THSD7A: variants seen among roughly 807,000 people sequenced by gnomAD.
THSD7A encodes the protein thrombospondin type-1 domain-containing protein 7A.
In THSD7A, 96 loss-of-function variants were observed where a neutral mutation model predicts 231.3. The observed-to-expected ratio is 0.41, with a 90% CI of 0.35 to 0.49. The LOEUF (loss-of-function observed/expected upper bound fraction) is 0.49, where lower values mean the gene tolerates loss of function less well. THSD7A is among the 20% of genes least tolerant of loss of function. THSD7A has a pLI of 0.05. For synonymous variants in THSD7A, 940 were observed against 743.3 expected (o/e 1.26, Z -4.30); for missense variants, 2,290 against 2,070.2 (o/e 1.11, Z -2.06).
intron 6 of THSD7A, among the ~76,000 whole-genome samples, chr7:11,526,399 T>C (rs1269993556): frequency 6.6e-6 from 1 of 152,178 alleles, no homozygotes; most frequent in Non-Finnish European, 1.5e-5. Flanking sequence ...AGGCAGAGAG[T>C]ATACTCTATC....
intron 22 of THSD7A, 108 bp from the exon 23 acceptor site, chr7:11,402,076 C>T: frequency 1.2e-6 from 1 of 801,308 alleles, no homozygotes; most frequent in Non-Finnish European, 2.0e-6. Flanking sequence ...ATCCCAGGCA[C>T]ACATAATATT....
In THSD7A at chr7:11,474,542, C is replaced by T. The variant is rs1562638939; in HGVS notation, c.2044G>A (p.Ala682Thr). The T allele has an allele frequency of 1.9e-6, 3 of 1,604,076 alleles. No homozygotes were observed. Among genetic ancestry groups the T allele is most frequent in the Admixed American group, 1.7e-5 (1 of 59,526 alleles). ...TTACAGCTTCGTACTTCTTGCAAAG[C>T]ACTGCTATTTGGACAGCGAATTCCA... is the stretch of plus-strand genomic sequence containing the variant. ...EGGIRCPNSSALQEVRSCNEH... is the reference protein window; with the variant it reads ...EGGIRCPNSSTLQEVRSCNEH... Residue 682 changes from alanine to threonine, a missense_variant, in exon 8 of 28, where the codon GCT (alanine) becomes ACT (threonine). Transcript: ENST00000423059. This position sits in a 1 kb window ranked among gnomAD's most constrained non-coding sequence, Gnocchi z 4.1.
intron 13 of THSD7A, 136 bp downstream of exon 13, chr7:11,445,925 T>G: frequency 9.4e-7 from 1 of 1,061,682 alleles, no homozygotes. Context: ...AAATGATATA[T>G]GTATAGTGTG....
intron 6 of THSD7A, among the ~76,000 whole-genome samples, chr7:11,526,006 A>C (rs1282614515): frequency 6.6e-6 from 1 of 152,194 alleles, no homozygotes; most frequent in East Asian, 1.9e-4. Context: ...GGTTTAGTCT[A>C]AAGAAAGAGA....
At chr7:11,612,227 G>A (rs1003597764) in intron 2 of THSD7A, among the ~76,000 whole-genome samples, 2 of 152,194 alleles carry the variant, frequency 1.3e-5, no homozygotes, top group African/African-American at 4.8e-5. Flanking sequence ...TGACAGTGTA[G>A]GGCCCATGCT....
At chr7:11,694,581 G>A (rs1245219127) in intron 1 of THSD7A, among the ~76,000 whole-genome samples, 1 of 151,450 alleles carries the variant, frequency 6.6e-6, no homozygotes, top group African/African-American at 2.4e-5. Context: ...TCAATATAAG[G>A]TAGTGGTGAA....
At chr7:11,686,188 TG>T (rs755725759) in intron 1 of THSD7A, among the ~76,000 whole-genome samples, 24 of 151,640 alleles carry the variant, frequency 1.6e-4, no homozygotes, top group South Asian at 8.3e-4. Flanking sequence ...TTCCCAAAGG[TG>T]GGGAGAAAGA....
intron 2 of THSD7A, among the ~76,000 whole-genome samples, chr7:11,623,089 A>T (rs1781371593): frequency 6.6e-6 from 1 of 152,210 alleles, no homozygotes; most frequent in African/African-American, 2.4e-5. Flanking sequence ...TGCTACATTC[A>T]TGGACTATCT....
chr7:11,754,999 T>C (rs1356903268), intron 1 of THSD7A, among the ~76,000 whole-genome samples: 2 of 152,086 alleles, frequency 1.3e-5, no homozygotes, highest in Admixed American at 1.3e-4. Flanking sequence ...AATAGAACTA[T>C]ATATTGACAA....
intron 1 of THSD7A, among the ~76,000 whole-genome samples, chr7:11,804,658 T>A (rs1426669351): frequency 6.6e-6 from 1 of 152,216 alleles, no homozygotes; most frequent in East Asian, 1.9e-4. Flanking sequence ...TGACTTTCTA[T>A]TCCTAGCTAA....
At chr7:11,601,536 T>C (rs558307138) in intron 2 of THSD7A, among the ~76,000 whole-genome samples, 9 of 152,274 alleles carry the variant, frequency 5.9e-5, no homozygotes, top group African/African-American at 1.9e-4. Context: ...GATGCAGCTC[T>C]TGTGGGAAAT....
chr7:11,479,811 A>G, intron 7 of THSD7A, among the ~76,000 whole-genome samples: 1 of 152,204 alleles, frequency 6.6e-6, no homozygotes, highest in East Asian at 1.9e-4. Context: ...AAATGTTATT[A>G]ACAGAGGTAA....
At chr7:11,531,730 G>A (rs1292518043) in intron 6 of THSD7A, among the ~76,000 whole-genome samples, 1 of 152,218 alleles carries the variant, frequency 6.6e-6, no homozygotes, top group Non-Finnish European at 1.5e-5. Flanking sequence ...TTGGAGAAAA[G>A]ATGATGAGTT....
At chr7:11,796,033 C>CATATATATATATATAT (rs6149988) in intron 1 of THSD7A, among the ~76,000 whole-genome samples, 1 of 107,478 alleles carries the variant, frequency 9.3e-6, no homozygotes, top group Non-Finnish European at 1.9e-5. Context: ...TTAAATTAGC[C>CATATATATATATATAT]ATATATATAT....
chr7:11,741,078 T>C (rs1052819843), intron 1 of THSD7A, among the ~76,000 whole-genome samples: 2 of 152,058 alleles, frequency 1.3e-5, no homozygotes, highest in Admixed American at 1.3e-4. Flanking sequence ...ATCGATGATA[T>C]AATTAATTGT....
intron 23 of THSD7A, among the ~76,000 whole-genome samples, chr7:11,387,049 T>C (rs996269171): frequency 6.6e-6 from 1 of 152,126 alleles, no homozygotes; most frequent in Admixed American, 6.5e-5. Context: ...CTGAGGCCTC[T>C]ATTGTGTTCC....
chr7:11,407,496 A>C (rs145993327), intron 19 of THSD7A, 73 bp from the exon 20 acceptor site: 12 of 1,122,684 alleles, frequency 1.1e-5, no homozygotes, highest in East Asian at 7.6e-5. Flanking sequence ...GGTGACAAGA[A>C]AGAAGAGAAG....
intron 6 of THSD7A, among the ~76,000 whole-genome samples, chr7:11,501,598 A>C (rs915252311): frequency 6.6e-6 from 1 of 152,230 alleles, no homozygotes; most frequent in African/African-American, 2.4e-5. Context: ...CAAAGATACA[A>C]CATGCCAGAA....
At chr7:11,442,360 G>A (rs942631372) in intron 13 of THSD7A, among the ~76,000 whole-genome samples, 1 of 152,090 alleles carries the variant, frequency 6.6e-6, no homozygotes, top group South Asian at 2.1e-4. Context: ...AGTCAAACTG[G>A]TTTATGAATA....
Sources: gnomAD v4.1 joint callset for allele counts (sites outside exome capture counted in the v4.1 genomes callset) on GRCh38, gnomAD v4.1.1 for gene constraint, Gnocchi (gnomAD v3.1) non-coding constraint, MANE v1.5 for transcripts, NCBI Gene and HGNC (gene_info 2026-07-23, HGNC 2026-07-21) for gene names.